MCTP2: variants seen among roughly 807,000 people sequenced by gnomAD.
The protein encoded by MCTP2 is multiple C2 and transmembrane domain-containing protein 2.
MCTP2 carries 132 observed loss-of-function variants against 111.6 expected under a neutral mutation model. The observed-to-expected ratio is 1.18, with a 90% CI of 1.03 to 1.37. MCTP2 has a LOEUF of 1.37. Ranked by LOEUF, MCTP2 falls within the 40% of genes most tolerant of loss-of-function variation. The pLI is 0.00. For synonymous variants in MCTP2, 395 were observed against 387.7 expected (o/e 1.02, Z -0.22); for missense variants, 1,183 against 1,067.9 (o/e 1.11, Z -1.50).
chr15:94,291,214 AAGAT>A (rs1484734867), intron 1 of MCTP2, among the ~76,000 whole-genome samples: 5 of 152,384 alleles, frequency 3.3e-5, no homozygotes, highest in African/African-American at 4.8e-5. Flanking sequence ...AATTAATAAA[AAGAT>A]AGATAGAAAA....
chr15:94,384,477 A>C (rs1311157326), intron 13 of MCTP2, among the ~76,000 whole-genome samples: 1 of 152,118 alleles, frequency 6.6e-6, no homozygotes, highest in Non-Finnish European at 1.5e-5. Context: ...ATCTGCCAAA[A>C]TCTTTAGGAA....
chr15:94,298,250 G>A lies in MCTP2; in HGVS notation c.-16G>A. ...GTGTACTTCTGAGAAGTGGCTTCTT[G>A]GGTCTTCATGCAGCCATGGATCTGG... On this transcript the variant is annotated 5_prime_UTR_variant, in exon 2 of 23. Transcript: ENST00000357742. The A allele has an allele frequency of 6.3e-7, 1 of 1,579,778 alleles. No individual in the cohort carries two copies. Among genetic ancestry groups the A allele is most frequent in the Non-Finnish European group, 8.6e-7 (1 of 1,163,828 alleles).
intron 4 of MCTP2, among the ~76,000 whole-genome samples, chr15:94,319,241 G>A (rs951115666): frequency 5.3e-5 from 8 of 152,180 alleles, no homozygotes; most frequent in Non-Finnish European, 1.2e-4. Context: ...GCATTTGAGT[G>A]TCTACTGTGG....
intron 10 of MCTP2, among the ~76,000 whole-genome samples, chr15:94,362,030 CT>C (rs1443287521): frequency 6.6e-6 from 1 of 152,154 alleles, no homozygotes; most frequent in African/African-American, 2.4e-5. Context: ...CAGATTCCCC[CT>C]GAGCCACAAG....
At chr15:94,245,515 T>TGTATATATTTATATACATAC (rs2071871230) in intron 1 of MCTP2, among the ~76,000 whole-genome samples, 2 of 142,422 alleles carry the variant, frequency 1.4e-5, no homozygotes, top group African/African-American at 2.5e-5. Flanking sequence ...TGTATACATA[T>TGTATATATTTATATACATAC]ATGTATATAT....
At chr15:94,305,145 A>G (rs1438659232) in intron 2 of MCTP2, among the ~76,000 whole-genome samples, 1 of 152,140 alleles carries the variant, frequency 6.6e-6, no homozygotes, top group Non-Finnish European at 1.5e-5. Context: ...GAGGTGATTA[A>G]GGATAAGTGA....
At chr15:94,367,855 T>C (rs992847579) in intron 11 of MCTP2, 64 bp downstream of exon 11, 1 of 1,379,538 alleles carries the variant, frequency 7.2e-7, no homozygotes, top group Admixed American at 2.7e-5. Context: ...ACAAAGTCTT[T>C]ATTGAAACAA....
chr15:94,303,118 TTATA>T (rs56749674), intron 2 of MCTP2, among the ~76,000 whole-genome samples: 150 of 49,514 alleles, frequency 3.0e-3, no homozygotes, highest in African/African-American at 8.1e-3. Context: ...TATATATAGT[TTATA>T]TATATAGTTT....
intron 1 of MCTP2, among the ~76,000 whole-genome samples, chr15:94,245,206 T>C (rs193295738): frequency 7.3e-6 from 1 of 136,488 alleles, no homozygotes; most frequent in Admixed American, 7.4e-5. Flanking sequence ...ATGTATATAT[T>C]TATACATATG....
rs1296028422 is a variant in MCTP2 at position 94,345,074 on chromosome 15, A to G, written c.970-55A>G. The G allele has an allele frequency of 8.2e-6, 13 of 1,587,728 alleles. No individual in the cohort carries two copies. In the African/African-American group the frequency reaches 1.3e-4, roughly 16 times the overall value. ...ATATAATTACATTGATAATGATTCT[A>G]TCTTCCTCTGTTTTATTTTGCCATT... On this transcript the variant is annotated intron_variant, in intron 7 of 22. Coordinates refer to ENST00000357742, the MANE Select transcript of MCTP2 (RefSeq NM_001385001.1).
chr15:94,263,875 C>T lies in MCTP2; in HGVS notation c.-66+32211C>T, dbSNP rs1230348409. On this transcript the variant is annotated intron_variant, in intron 1 of 22. Coordinates refer to ENST00000357742, the MANE Select transcript of MCTP2 (RefSeq NM_001385001.1). ...ATACCAGTTCACAAATGAGAATCAT[C>T]TGTAGTCAGACTAGAGTAAATTTTT... Among the ~76,000 whole-genome samples the T allele has an allele frequency of 2.6e-5, 4 of 152,226 alleles. No homozygotes were observed. The East Asian group carries it at 7.7e-4, about 29-fold the overall frequency.
chr15:94,369,505 G>A lies in MCTP2; in HGVS notation c.1489-582G>A, dbSNP rs183924013. ...GAGCAGTAGATACATTCAGACTTTG[G>A]CTGGTACAAACTCAAGGCTAAAGTA... On this transcript the variant is annotated intron_variant, in intron 11 of 22. Transcript: ENST00000357742. Among the ~76,000 whole-genome samples the A allele has an allele frequency of 1.3e-3, 197 of 152,254 alleles. 8 individuals are homozygous for A. The South Asian group carries it at 0.039, about 30-fold the overall frequency.
intron 19 of MCTP2, among the ~76,000 whole-genome samples, chr15:94,452,347 A>G (rs765943138): frequency 6.6e-6 from 1 of 152,228 alleles, no homozygotes; most frequent in Non-Finnish European, 1.5e-5. Flanking sequence ...TGATAGAGGT[A>G]CAATGCAAAT....
chr15:94,384,211 G>A (rs1006394632), intron 13 of MCTP2, 87 bp downstream of exon 13: 36 of 789,148 alleles, frequency 4.6e-5, no homozygotes, highest in Admixed American at 1.2e-4. Context: ...CCATTTTTAT[G>A]GGCAAAGAGT....
At chr15:94,285,425 A>G (rs1218098051) in intron 1 of MCTP2, among the ~76,000 whole-genome samples, 3 of 152,236 alleles carry the variant, frequency 2.0e-5, no homozygotes, top group Admixed American at 2.0e-4. Flanking sequence ...AATCCAAGTT[A>G]CTGATGCCAG....
chr15:94,392,948 C>T (rs2081077079), intron 14 of MCTP2, among the ~76,000 whole-genome samples: 1 of 151,962 alleles, frequency 6.6e-6, no homozygotes, highest in South Asian at 2.1e-4. Context: ...ATCTAATGAG[C>T]TTCTATGTTT....
At chr15:94,254,494 A>G (rs1279637751) in intron 1 of MCTP2, among the ~76,000 whole-genome samples, 1 of 152,250 alleles carries the variant, frequency 6.6e-6, no homozygotes, top group Non-Finnish European at 1.5e-5. Context: ...GTGAGGAATT[A>G]GAAAACTCAT....
chr15:94,370,405 T>C (rs2152438057), intron 12 of MCTP2, among the ~76,000 whole-genome samples: 1 of 152,346 alleles, frequency 6.6e-6, no homozygotes, highest in Non-Finnish European at 1.5e-5. Context: ...TTCAGTAATA[T>C]TCAAATCTAT....
At chr15:94,386,339 G>T (rs1184303335) in intron 14 of MCTP2, among the ~76,000 whole-genome samples, 1 of 152,162 alleles carries the variant, frequency 6.6e-6, no homozygotes, top group Non-Finnish European at 1.5e-5. Context: ...TCTTCCCAAA[G>T]ACTTATTTTT....
Sources: allele counts gnomAD v4.1 joint callset (sites outside exome capture counted in the v4.1 genomes callset), GRCh38; gene constraint gnomAD v4.1.1; transcripts MANE v1.5; gene names NCBI Gene and HGNC (gene_info 2026-07-23, HGNC 2026-07-21).